HERC3: variants seen among roughly 807,000 people sequenced by gnomAD.
HERC3 encodes the protein HECT and RLD domain containing E3 ubiquitin protein ligase 3.
In HERC3, 58 loss-of-function variants were observed where a neutral mutation model predicts 129.9. The ratio of observed to expected loss-of-function variants is 0.45; its 90% CI spans 0.36 to 0.56. HERC3 has a LOEUF of 0.56. Ranked by LOEUF, HERC3 falls within the 20% of genes least tolerant of loss-of-function variation. The probability of loss-of-function intolerance (pLI) is 0.00; values close to 1 mark genes in which losing one functional copy is unlikely to be tolerated. For missense variants in HERC3, 835 were observed against 1,244.2 expected (o/e 0.67, Z 4.95); for synonymous variants, 430 against 451.0 (o/e 0.95, Z 0.59).
chr4:88,690,012 T>C, intron 23 of HERC3: 11 of 985,302 alleles, frequency 1.1e-5, no homozygotes, highest in Non-Finnish European at 1.3e-5. Context: ...AGCTATAGTA[T>C]CAGAGTTGAG....
intron 21 of HERC3, 49 bp downstream of exon 21, chr4:88,681,374 T>A (rs1205133942): frequency 6.6e-7 from 1 of 1,506,554 alleles, no homozygotes; most frequent in Non-Finnish European, 9.1e-7. Context: ...TGGCTGCCTC[T>A]GGCATGAGGA....
chr4:88,617,053 G>A (rs1724976863), intron 3 of HERC3, among the ~76,000 whole-genome samples: 1 of 151,600 alleles, frequency 6.6e-6, no homozygotes, highest in Non-Finnish European at 1.5e-5. Context: ...TTGTTATGTT[G>A]AAAGTATTAT....
At position 88,595,963 on chromosome 4, in the gene HERC3, C is replaced by A. The variant is rs534144424; in HGVS notation, c.-30+349C>A. On this transcript the variant is annotated intron_variant, in intron 2 of 25. Coordinates refer to ENST00000402738, the MANE Select transcript of HERC3 (RefSeq NM_014606.3). The stretch of plus-strand genomic sequence containing the variant: ...CCCCGGGGTTCATGCCATTCTCCTG[C>A]CTCAGCCTCCCGAGTAGCTGGGACT... 7.3e-5 allele frequency among the ~76,000 whole-genome samples: 11 copies of A among 150,804 alleles called. No individual in the cohort carries two copies. In the South Asian group the frequency reaches 1.5e-3, roughly 20 times the overall value.
intron 10 of HERC3, among the ~76,000 whole-genome samples, chr4:88,659,413 T>A (rs1730254622): frequency 6.6e-6 from 1 of 152,256 alleles, no homozygotes; most frequent in Non-Finnish European, 1.5e-5. Flanking sequence ...CACAAAGTAT[T>A]TGCCTTCTAG....
chr4:88,608,835 C>T (rs1275850289), intron 3 of HERC3, among the ~76,000 whole-genome samples: 6 of 152,150 alleles, frequency 3.9e-5, no homozygotes, highest in African/African-American at 1.4e-4. Flanking sequence ...AACTTCATTC[C>T]AATGATCTTT....
chr4:88,579,544 G>T, the HERC3 span, among the ~76,000 whole-genome samples: 2 of 152,162 alleles, frequency 1.3e-5, no homozygotes, highest in African/African-American at 4.8e-5. Context: ...TTGGTATGTA[G>T]AATGGATGGG....
upstream of HERC3, chr4:88,592,307 C>T (rs977149547): frequency 6.5e-6 from 1 of 152,856 alleles, no homozygotes; most frequent in Non-Finnish European, 1.5e-5. Flanking sequence ...GCGCCTGGCT[C>T]TGGGGCCTGG....
chr4:88,691,019 A>G (rs901286911), intron 23 of HERC3, among the ~76,000 whole-genome samples: 1 of 152,218 alleles, frequency 6.6e-6, no homozygotes, highest in Non-Finnish European at 1.5e-5. Context: ...GGACAGATGC[A>G]TCTGGGAGGA....
chr4:88,623,288 A>T (rs1222140986), intron 3 of HERC3, among the ~76,000 whole-genome samples: 1 of 152,208 alleles, frequency 6.6e-6, no homozygotes. Context: ...CACTGCTTTA[A>T]AGATTCCACT....
chr4:88,685,142 G>C (rs187985602), intron 21 of HERC3, among the ~76,000 whole-genome samples: 1 of 152,198 alleles, frequency 6.6e-6, no homozygotes, highest in Admixed American at 6.5e-5. Context: ...TTACACTGTT[G>C]GTGGGAGTGT....
chr4:88,628,850 G>T (rs1376412106), intron 3 of HERC3, among the ~76,000 whole-genome samples: 1 of 152,134 alleles, frequency 6.6e-6, no homozygotes, highest in Admixed American at 6.5e-5. Context: ...TGTGAATAGA[G>T]GAGGGAAGTG....
At chr4:88,695,557 C>G (rs1734518533) in intron 23 of HERC3, among the ~76,000 whole-genome samples, 1 of 152,164 alleles carries the variant, frequency 6.6e-6, no homozygotes, top group African/African-American at 2.4e-5. Flanking sequence ...CCACATTCTT[C>G]TCTCATAATA....
At chr4:88,640,031 C>T (rs1442376719) in intron 3 of HERC3, among the ~76,000 whole-genome samples, 2 of 152,158 alleles carry the variant, frequency 1.3e-5, no homozygotes, top group Non-Finnish European at 2.9e-5. Context: ...AATGAGATAC[C>T]ATCTCACACC....
chr4:88,706,820 A>G lies in HERC3; in HGVS notation c.3013A>G (p.Thr1005Ala). The change falls in exon 26 of 26, where the codon ACA (threonine) becomes GCA (alanine). Residue 1005 changes from threonine (T) to alanine (A), a missense_variant. Coordinates refer to ENST00000402738, the MANE Select transcript of HERC3 (RefSeq NM_014606.3). ...MASLQIVIQS[T>A]ASGEEYLPVA... ...CAGTCTGCAGATTGTCATCCAGTCC[A>G]CAGCCAGCGGGGAGGAGTACTTGCC... is the stretch of plus-strand genomic sequence containing the variant. 1 of 1,614,138 alleles carries G rather than the reference A, an allele frequency of 6.2e-7. No individual in the cohort carries two copies. Among genetic ancestry groups the G allele is most frequent in the Non-Finnish European group, 8.5e-7 (1 of 1,180,016 alleles).
At chr4:88,612,014 C>T (rs749695886) in intron 3 of HERC3, among the ~76,000 whole-genome samples, 2 of 152,170 alleles carry the variant, frequency 1.3e-5, no homozygotes, top group Non-Finnish European at 2.9e-5. Context: ...TTGATTCTGT[C>T]CTGCTAGTCA....
At chr4:88,664,314 C>A in intron 12 of HERC3, 102 bp downstream of exon 12, 1 of 901,406 alleles carries the variant, frequency 1.1e-6, no homozygotes, top group African/African-American at 1.7e-5. Flanking sequence ...GAGTTTGGGG[C>A]TTTAGGATGC....
the HERC3 span, among the ~76,000 whole-genome samples, chr4:88,580,300 G>A: frequency 1.3e-5 from 2 of 152,146 alleles, no homozygotes; most frequent in African/African-American, 4.8e-5. Flanking sequence ...TGAGGTGGGT[G>A]CATCGCTTGA....
rs1161900666 is a variant in HERC3, at chr4:88,653,084, G to C, written c.679G>C (p.Glu227Gln). 6.2e-7 allele frequency: 1 copy of C among 1,613,814 alleles called. No individual in the cohort carries two copies. Among genetic ancestry groups the C allele is most frequent in the African/African-American group, 1.3e-5 (1 of 75,024 alleles). Residue 227 changes from glutamate to glutamine, a missense_variant, in exon 6 of 26, where the codon GAA becomes CAA. Coordinates refer to ENST00000402738, the MANE Select transcript of HERC3 (RefSeq NM_014606.3). ...TGCCGGGCAGCTAGGGCTCAGTGATGAAAAAGGTAGGTAAACCCTTCATAT... is the reference window on the plus strand; with the variant it reads ...TGCCGGGCAGCTAGGGCTCAGTGATCAAAAAGGTAGGTAAACCCTTCATAT... ...NNAGQLGLSD[E>Q]KDRESPCHVK...
At chr4:88,565,442 A>G in the HERC3 span, among the ~76,000 whole-genome samples, 5 of 152,150 alleles carry the variant, frequency 3.3e-5, no homozygotes, top group Non-Finnish European at 7.4e-5. Context: ...TATATTTACA[A>G]TTGTTATATC....
Sources: allele counts gnomAD v4.1 joint callset (sites outside exome capture counted in the v4.1 genomes callset), GRCh38; gene constraint gnomAD v4.1.1; transcripts MANE v1.5; gene names NCBI Gene and HGNC (gene_info 2026-07-23, HGNC 2026-07-21).